COL11A1: variants seen among roughly 807,000 people sequenced by gnomAD.
The protein encoded by COL11A1 is collagen alpha-1(XI) chain.
Under a neutral mutation model 265.2 loss-of-function variants are expected in COL11A1, and 74 were observed. The observed-to-expected ratio is 0.28, with a 90% CI of 0.23 to 0.34. The LOEUF is 0.34. COL11A1 is among the 10% of genes least tolerant of loss of function. COL11A1 has a pLI of 1.00. For synonymous variants in COL11A1, 816 were observed against 727.6 expected, an observed-to-expected ratio of 1.12 and a Z score of -1.96; for missense variants, 2,165 against 2,263.6, an observed-to-expected ratio of 0.96 and a Z score of 0.88.
chr1:103,013,171 AGATTT>A (rs1357405473), intron 13 of COL11A1, among the ~76,000 whole-genome samples: 1 of 152,226 alleles, frequency 6.6e-6, no homozygotes, highest in East Asian at 1.9e-4. Context: ...ATGAACACTT[AGATTT>A]ATCACAAAGA....
Position 102,967,227 on chromosome 1 carries a change from C to CTTTTTTTTTTTTTTTTTTTT in COL11A1, c.2863-1707_2863-1688dup, listed in dbSNP as rs35303945. On this transcript the variant is annotated intron_variant, in intron 37 of 66. Coordinates refer to ENST00000370096, the MANE Select transcript of COL11A1 (RefSeq NM_001854.4). ...CCCACAAAACCAAACATAATAAATT[C>CTTTTTTTTTTTTTTTTTTTT]TTTTTTTTTTTTTTTTTTTTTTTTT... Among the ~76,000 whole-genome samples the CTTTTTTTTTTTTTTTTTTTT allele has an allele frequency of 2.5e-4, 13 of 52,754 alleles. 6 individuals carry two copies. Among genetic ancestry groups the CTTTTTTTTTTTTTTTTTTTT allele is most frequent in the East Asian group, 1.4e-3 (2 of 1,394 alleles). 34.6% of individuals were successfully genotyped at this position (52,754 alleles called of 152,430 possible). A position where few individuals can be genotyped will look rare whatever the true frequency, so the allele number is the denominator to read the frequency against.
chr1:102,906,595 G>C (rs1431362975), intron 54 of COL11A1, among the ~76,000 whole-genome samples: 2 of 151,964 alleles, frequency 1.3e-5, no homozygotes, highest in East Asian at 3.9e-4. Context: ...TTTCTGTGAA[G>C]ATGAGGGTCT....
At chr1:102,949,933 C>T (rs1659713807) in intron 41 of COL11A1, among the ~76,000 whole-genome samples, 1 of 152,142 alleles carries the variant, frequency 6.6e-6, no homozygotes, top group African/African-American at 2.4e-5. Context: ...ATGCTTGTCT[C>T]CTTTATCCAA....
intron 66 of COL11A1, among the ~76,000 whole-genome samples, chr1:102,879,016 C>T (rs961737003): frequency 3.9e-5 from 6 of 151,970 alleles, no homozygotes; most frequent in African/African-American, 1.4e-4. Flanking sequence ...CATTCATTTG[C>T]TTTACTCTCT....
rs1553224335 is a variant in COL11A1, at chr1:102,978,723, G to A, written c.2739C>T (p.Gly913=). The A allele has an allele frequency of 6.2e-7, 1 of 1,613,980 alleles. No homozygotes were observed. Among genetic ancestry groups the A allele is most frequent in the Non-Finnish European group, 8.5e-7 (1 of 1,179,902 alleles). ...KGTSGGDGPP[G]PPGERGPQGP... is the part of the protein sequence containing the mutation. ...TCATACGTACTCTTTCACCTGGAGG[G>A]CCAGGAGGGCCATCGCCACCTGAAG... The change falls in exon 35 of 67, where the codon GGC becomes GGT. Residue 913 remains glycine, a synonymous_variant. Transcript: ENST00000370096.
At chr1:102,881,648 C>A in intron 65 of COL11A1, 49 bp downstream of exon 65, 2 of 1,386,638 alleles carry the variant, frequency 1.4e-6, no homozygotes, top group South Asian at 2.3e-5. Flanking sequence ...ATCAGAATGT[C>A]ACTTCTTGAG....
At chr1:103,045,902 C>T (rs543362969) in intron 4 of COL11A1, among the ~76,000 whole-genome samples, 16 of 151,634 alleles carry the variant, frequency 1.1e-4, no homozygotes, top group African/African-American at 2.9e-4. Flanking sequence ...TTGCTGAGAA[C>T]GATGGTTTCC....
chr1:102,943,482 C>CACACACACACACACAA (rs61159892), intron 42 of COL11A1, among the ~76,000 whole-genome samples: 3 of 120,890 alleles, frequency 2.5e-5, no homozygotes, highest in African/African-American at 6.7e-5. Context: ...CACACACACA[C>CACACACACACACACAA]ACAAACAACC....
At chr1:102,911,280 T>A (rs1654642521) in intron 54 of COL11A1, among the ~76,000 whole-genome samples, 1 of 152,130 alleles carries the variant, frequency 6.6e-6, no homozygotes, top group Non-Finnish European at 1.5e-5. Context: ...TGATTCAAAT[T>A]TGTATTGCTG....
At chr1:102,942,630 G>C (rs1265954214) in intron 42 of COL11A1, among the ~76,000 whole-genome samples, 23 of 152,012 alleles carry the variant, frequency 1.5e-4, no homozygotes, top group Admixed American at 1.5e-3. Context: ...TCTTTTGTTT[G>C]ATTTGGCATG....
chr1:102,882,594 A>T (rs1192576666), intron 64 of COL11A1, among the ~76,000 whole-genome samples: 3 of 152,152 alleles, frequency 2.0e-5, no homozygotes, highest in African/African-American at 7.2e-5. Context: ...GAAGAATGAG[A>T]TTTATTACAT....
chr1:103,072,104 A>C (rs1005192930), intron 4 of COL11A1, among the ~76,000 whole-genome samples: 1 of 151,890 alleles, frequency 6.6e-6, no homozygotes, highest in African/African-American at 2.4e-5. Context: ...CTGAAATTAT[A>C]AAATCTGAAT....
At chr1:102,919,831 A>T (rs1220638978) in intron 49 of COL11A1, among the ~76,000 whole-genome samples, 1 of 152,074 alleles carries the variant, frequency 6.6e-6, no homozygotes, top group African/African-American at 2.4e-5. Flanking sequence ...TGAAAATATA[A>T]CTCAAAATAT....
At chr1:102,991,592 A>G (rs1664138965) in intron 28 of COL11A1, among the ~76,000 whole-genome samples, 1 of 152,106 alleles carries the variant, frequency 6.6e-6, no homozygotes, top group Admixed American at 6.6e-5. Flanking sequence ...TCCTTCTGCT[A>G]AATGGCCGAA....
intron 4 of COL11A1, among the ~76,000 whole-genome samples, chr1:103,039,744 G>T (rs186402786): frequency 0.043 from 6,390 of 148,912 alleles, 231 homozygotes; most frequent in African/African-American, 0.098. Context: ...TAATACTAGG[G>T]TTTTTTTTTT....
chr1:103,010,461 A>G (rs12138447), intron 14 of COL11A1, among the ~76,000 whole-genome samples: 15,715 of 152,150 alleles, frequency 0.1, 1,042 homozygotes, highest in Non-Finnish European at 0.14. Context: ...AATTTTGCCT[A>G]TGACTTTGAG....
Position 102,974,891 on chromosome 1 carries a change from T to C in COL11A1, c.2755-8A>G. 6.2e-7 allele frequency: 1 copy of C among 1,611,800 alleles called. No individual in the cohort carries two copies. Among genetic ancestry groups the C allele is most frequent in the Middle Eastern group, 1.7e-4 (1 of 6,054 alleles). ...CTGAGGTCCTTGAGGACCCTGGAAA[T>C]AAAAAGCAGTGGGGAGAAGTTAACA... On this transcript the variant is annotated splice_polypyrimidine_tract_variant and splice_region_variant and intron_variant, in intron 35 of 66. Coordinates refer to ENST00000370096, the MANE Select transcript of COL11A1 (RefSeq NM_001854.4).
chr1:102,982,299 C>T (rs569546041), intron 31 of COL11A1, among the ~76,000 whole-genome samples: 182 of 151,896 alleles, frequency 1.2e-3, no homozygotes, highest in Non-Finnish European at 2.4e-3. Flanking sequence ...AGGGAAAAAA[C>T]GGGATTTTAA....
chr1:103,071,701 C>T (rs137987387), intron 4 of COL11A1, among the ~76,000 whole-genome samples: 125 of 151,270 alleles, frequency 8.3e-4, no homozygotes, highest in African/African-American at 2.7e-3. Context: ...GAGGGACCCA[C>T]GAGGACTTCT....
Sources: gnomAD v4.1 joint callset for allele counts (sites outside exome capture counted in the v4.1 genomes callset) on GRCh38, gnomAD v4.1.1 for gene constraint, MANE v1.5 for transcripts, NCBI Gene and HGNC (gene_info 2026-07-23, HGNC 2026-07-21) for gene names.